Variants in WDR27 observed in about 807,000 individuals in gnomAD.
WDR27 encodes WD repeat-containing protein 27.
Under a neutral mutation model 114.4 loss-of-function variants are expected in WDR27, and 100 were observed. That is an observed-to-expected ratio of 0.87 (90% CI 0.74 to 1.03). The LOEUF is 1.03. WDR27 is among the 50% of genes least tolerant of loss of function. The pLI is 0.00. For missense variants in WDR27, 1,129 were observed against 1,092.9 expected (o/e 1.03, Z -0.47); for synonymous variants, 449 against 423.1 (o/e 1.06, Z -0.75).
chr6:169,564,020 A>G (rs1800063059), intron 25 of WDR27, among the ~76,000 whole-genome samples: 2 of 152,220 alleles, frequency 1.3e-5, no homozygotes, highest in South Asian at 2.1e-4. Context: ...AAGTCCCACA[A>G]TGCTCTGTCT....
chr6:169,648,073 C>T (rs1821258729), intron 15 of WDR27, among the ~76,000 whole-genome samples: 1 of 152,060 alleles, frequency 6.6e-6, no homozygotes, highest in Non-Finnish European at 1.5e-5. Flanking sequence ...ACTTACATTC[C>T]ACATTGCCAA....
intron 8 of WDR27, among the ~76,000 whole-genome samples, chr6:169,662,681 T>C (rs13217194): frequency 3.6e-4 from 44 of 122,594 alleles, no homozygotes; most frequent in Admixed American, 1.2e-3. Flanking sequence ...TCGGATCACG[T>C]GTCGAGGAAA....
intron 14 of WDR27, among the ~76,000 whole-genome samples, chr6:169,650,029 ACATC>A (rs1821888200): frequency 8.8e-6 from 1 of 113,896 alleles, no homozygotes; most frequent in South Asian, 3.1e-4. Context: ...ATCCACCCAC[ACATC>A]CATCCCTCAT....
the WDR27 span, among the ~76,000 whole-genome samples, chr6:169,429,430 C>CTT: frequency 0.45 from 63,380 of 141,862 alleles, 15,419 homozygotes; most frequent in Non-Finnish European, 0.57. Context: ...AGACTGAGTC[C>CTT]TTTTTTTTTT....
At chr6:169,617,059 C>T (rs1421846528) in intron 21 of WDR27, among the ~76,000 whole-genome samples, 1 of 152,188 alleles carries the variant, frequency 6.6e-6, no homozygotes, top group Non-Finnish European at 1.5e-5. Flanking sequence ...CAACAATGCA[C>T]AATGTTGCTG....
intron 25 of WDR27, among the ~76,000 whole-genome samples, chr6:169,562,165 G>C (rs1016936621): frequency 6.6e-6 from 1 of 152,138 alleles, no homozygotes. Context: ...ATAAGGACGC[G>C]GAAGACTTGA....
At chr6:169,555,447 G>A (rs974864795) in intron 25 of WDR27, among the ~76,000 whole-genome samples, 10 of 152,130 alleles carry the variant, frequency 6.6e-5, no homozygotes, top group Admixed American at 4.6e-4. Flanking sequence ...TTGGCAGCAC[G>A]AGCTCAGCCT....
At chr6:169,666,305 G>T in intron 6 of WDR27, 1 of 829,852 alleles carries the variant, frequency 1.2e-6, no homozygotes, top group African/African-American at 1.9e-5. Flanking sequence ...GTCCACACAT[G>T]GATACATTAA....
chr6:169,522,769 AT>A (rs1424814370), intron 25 of WDR27, among the ~76,000 whole-genome samples: 1 of 152,028 alleles, frequency 6.6e-6, no homozygotes, highest in Non-Finnish European at 1.5e-5. Flanking sequence ...TCTTAAAAAA[AT>A]AAAATGTAAT....
chr6:169,662,444 G>C lies in WDR27; in HGVS notation c.905-20C>G, dbSNP rs1413878190. 4 of 1,612,296 alleles carry C rather than the reference G, an allele frequency of 2.5e-6. No individual in the cohort carries two copies. Among genetic ancestry groups the C allele is most frequent in the South Asian group, 1.1e-5 (1 of 90,910 alleles). On this transcript the variant is annotated intron_variant, in intron 8 of 25. Transcript: ENST00000448612. ...TTTCTTCTAGGGACAGAATTATTGA[G>C]AATCTAAGAAGTGAACTTAAATGCA...
chr6:169,683,232 A>G (rs543251712), intron 2 of WDR27, among the ~76,000 whole-genome samples: 3 of 152,298 alleles, frequency 2.0e-5, no homozygotes, highest in African/African-American at 7.2e-5. Context: ...ATTCAACCCA[A>G]ATAAAAATAC....
At chr6:169,657,425 C>T (rs965401211) in intron 13 of WDR27, among the ~76,000 whole-genome samples, 5 of 152,180 alleles carry the variant, frequency 3.3e-5, no homozygotes, top group African/African-American at 4.8e-5. Flanking sequence ...GAGCCCGGCC[C>T]GGGGAGAGGC....
At chr6:169,589,414 A>T (rs1327626796) in intron 23 of WDR27, among the ~76,000 whole-genome samples, 1 of 152,186 alleles carries the variant, frequency 6.6e-6, no homozygotes, top group East Asian at 1.9e-4. Context: ...CAGCCTTCCA[A>T]GGCCACTCAC....
intron 22 of WDR27, among the ~76,000 whole-genome samples, chr6:169,607,382 T>TTG (rs139609288): frequency 4.8e-5 from 7 of 145,594 alleles, no homozygotes; most frequent in East Asian, 2.0e-4. Context: ...TGTAGTATAC[T>TTG]TGTGTGTGTA....
rs199648636 is a variant in WDR27, at chr6:169,473,263, G to A, written c.2646-15629C>T. Among the ~76,000 whole-genome samples, 8 of 152,290 alleles carry A rather than the reference G, an allele frequency of 5.3e-5. 1 individual carries two copies. In the East Asian group the frequency reaches 1.5e-3, roughly 29 times the overall value. Reference sequence around the variant, plus strand: ...GATGTGCCACTTGACCCAGCTCTCTGTCCACATCAGCTCATCCCCAGAGGC... The same window carrying A: ...GATGTGCCACTTGACCCAGCTCTCTATCCACATCAGCTCATCCCCAGAGGC... On this transcript the variant is annotated intron_variant, in intron 25 of 25. Transcript: ENST00000448612.
chr6:169,523,781 G>A (rs567945123), intron 25 of WDR27, among the ~76,000 whole-genome samples: 34 of 151,952 alleles, frequency 2.2e-4, no homozygotes, highest in Admixed American at 1.7e-3. Context: ...AGGTATAGAA[G>A]GAACATACGT....
Position 169,602,287 on chromosome 6 carries a change from C to A in WDR27, c.2356G>T (p.Gly786Cys). The A allele has an allele frequency of 6.4e-7, 1 of 1,564,872 alleles. No homozygotes were observed. The highest frequency in any genetic ancestry group is 8.7e-7 in the Non-Finnish European group (1 of 1,153,374). Reference sequence around the variant, plus strand: ...CTGAAAGCGATTCCACATGGATAGCCGCGGGTTGGATGCCCTTCAAAGTGG... The same window carrying A: ...CTGAAAGCGATTCCACATGGATAGCAGCGGGTTGGATGCCCTTCAAAGTGG... ...ERHFEGHPTR[G>C]YPCGIAFSPC... The change falls in exon 23 of 26, where the codon GGC becomes TGC. Residue 786 changes from glycine (G) to cysteine (C), a missense_variant. Transcript: ENST00000448612.
intron 2 of WDR27, among the ~76,000 whole-genome samples, chr6:169,675,304 T>C (rs529040684): frequency 6.6e-6 from 1 of 152,284 alleles, no homozygotes; most frequent in East Asian, 1.9e-4. Flanking sequence ...CCCCATGCCT[T>C]GCTCCTGTTT....
At chr6:169,607,926 G>C (rs1325872013) in intron 22 of WDR27, among the ~76,000 whole-genome samples, 1 of 151,566 alleles carries the variant, frequency 6.6e-6, no homozygotes, top group East Asian at 1.9e-4. Flanking sequence ...AAGCAATTTT[G>C]TCCCTGTGTG....
Sources: gnomAD v4.1 joint callset for allele counts (sites outside exome capture counted in the v4.1 genomes callset) on GRCh38, gnomAD v4.1.1 for gene constraint, MANE v1.5 for transcripts, NCBI Gene and HGNC (gene_info 2026-07-23, HGNC 2026-07-21) for gene names.